ZNF827: variants seen among roughly 807,000 people sequenced by gnomAD.
ZNF827 encodes zinc finger protein 827.
In ZNF827, 13 loss-of-function variants were observed where a neutral mutation model predicts 102.4. That is an observed-to-expected ratio of 0.13 (90% CI 0.08 to 0.20). The LOEUF (loss-of-function observed/expected upper bound fraction) is 0.20, where lower values mean the gene tolerates loss of function less well. Among genes scored for constraint, ZNF827 ranks in the 10% least tolerant of loss-of-function variants. The pLI is 1.00. For missense variants in ZNF827, 1,103 were observed against 1,344.4 expected (o/e 0.82, Z 2.81); for synonymous variants, 523 against 536.2 (o/e 0.98, Z 0.34).
At chr4:145,852,429 TAA>T (rs892533735) in intron 5 of ZNF827, among the ~76,000 whole-genome samples, 4 of 152,234 alleles carry the variant, frequency 2.6e-5, no homozygotes, top group African/African-American at 9.6e-5. Flanking sequence ...TGATCACTGA[TAA>T]AAAGCCTTTG....
chr4:145,868,854 G>C (rs564810938), intron 5 of ZNF827, among the ~76,000 whole-genome samples: 4 of 152,304 alleles, frequency 2.6e-5, no homozygotes, highest in African/African-American at 9.6e-5. Context: ...ACTGGAATGT[G>C]AAAGTGTATG....
intron 7 of ZNF827, among the ~76,000 whole-genome samples, chr4:145,844,490 G>A (rs1359096208): frequency 2.0e-5 from 3 of 151,082 alleles, no homozygotes; most frequent in Non-Finnish European, 4.4e-5. Flanking sequence ...GACCAGCCTG[G>A]GCAACATGGC....
In ZNF827 at chr4:145,759,934, C is replaced by CTG. The variant is rs1325817271; in HGVS notation, c.*1680_*1681dup. 1 of 152,198 alleles carries CTG rather than the reference C, an allele frequency of 6.6e-6. No individual in the cohort carries two copies. Among genetic ancestry groups the CTG allele is most frequent in the African/African-American group, 2.4e-5 (1 of 41,432 alleles). The allele number at this position is 152,198 out of a possible 1,614,324, so 9.4% of individuals were successfully genotyped here. A position where few individuals can be genotyped will look rare whatever the true frequency, so the allele number is the denominator to read the frequency against. On this transcript the variant is annotated 3_prime_UTR_variant, in exon 15 of 15. Transcript: ENST00000508784. ...TAATCTGCCCTTAAAAAATGATGCA[C>CTG]TGTGTGTGTGCACCGTACACATTTG... is the stretch of plus-strand genomic sequence containing the variant.
At chr4:145,893,734 T>TA (rs1028016280) in intron 2 of ZNF827, among the ~76,000 whole-genome samples, 13 of 152,156 alleles carry the variant, frequency 8.5e-5, no homozygotes, top group African/African-American at 3.1e-4. Flanking sequence ...AATGTCCTTA[T>TA]AAAAAATTAA....
chr4:145,770,634 C>T (rs1041467256), intron 11 of ZNF827, among the ~76,000 whole-genome samples: 1 of 151,656 alleles, frequency 6.6e-6, no homozygotes, highest in Non-Finnish European at 1.5e-5. Context: ...TTGTATTTTC[C>T]CATGCTATTT....
At chr4:145,895,196 G>C (rs1209914425) in intron 2 of ZNF827, among the ~76,000 whole-genome samples, 1 of 152,112 alleles carries the variant, frequency 6.6e-6, no homozygotes, top group African/African-American at 2.4e-5. Context: ...ACCATAGGAA[G>C]GCAATAAAAG....
At chr4:145,773,237 A>AGGTGAGCTAATGTAAC (rs1736554835) in intron 11 of ZNF827, among the ~76,000 whole-genome samples, 1 of 152,214 alleles carries the variant, frequency 6.6e-6, no homozygotes, top group African/African-American at 2.4e-5. Flanking sequence ...CCTGCTGCCC[A>AGGTGAGCTAATGTAAC]CAGGCTAATG....
At chr4:145,813,175 C>G (rs1742218150) in intron 8 of ZNF827, among the ~76,000 whole-genome samples, 1 of 152,076 alleles carries the variant, frequency 6.6e-6, no homozygotes, top group Non-Finnish European at 1.5e-5. Context: ...CTTCTTCTGA[C>G]ACAGTGTCAG....
intron 4 of ZNF827, among the ~76,000 whole-genome samples, chr4:145,884,353 C>T (rs1202021050): frequency 1.3e-5 from 2 of 152,158 alleles, no homozygotes; most frequent in Admixed American, 6.5e-5. Flanking sequence ...CAGAGTGGAG[C>T]TGAACCTCTA....
chr4:145,781,212 A>G lies in ZNF827; in HGVS notation c.2384-1701T>C, dbSNP rs1482890815. 9.9e-4 allele frequency among the ~76,000 whole-genome samples: 126 copies of G among 127,134 alleles called. 1 individual carries two copies. Among genetic ancestry groups the G allele is most frequent in the African/African-American group, 3.3e-3 (101 of 31,030 alleles). The allele number at this position is 127,134 out of a possible 152,430, so 83.4% of individuals were successfully genotyped here. A position where few individuals can be genotyped will look rare whatever the true frequency, so the allele number is the denominator to read the frequency against. ...CACCATCTCAAAAAAAAAAAAAAAAAAAAAAGAAAAAAAAAGAAAAAAAAA... is the reference window on the plus strand; with the variant it reads ...CACCATCTCAAAAAAAAAAAAAAAAGAAAAAGAAAAAAAAAGAAAAAAAAA... On this transcript the variant is annotated intron_variant, in intron 8 of 14. Transcript: ENST00000508784.
At chr4:145,769,860 A>G (rs1218419791) in intron 11 of ZNF827, among the ~76,000 whole-genome samples, 2 of 152,238 alleles carry the variant, frequency 1.3e-5, no homozygotes, top group Non-Finnish European at 2.9e-5. Flanking sequence ...AAACAGCACA[A>G]ATTAGGAAAT....
At chr4:145,824,206 C>G (rs369373536) in intron 7 of ZNF827, among the ~76,000 whole-genome samples, 4 of 152,188 alleles carry the variant, frequency 2.6e-5, no homozygotes, top group Non-Finnish European at 5.9e-5. Context: ...CACCAGACAT[C>G]CTGCCAGGGT....
At chr4:145,788,785 C>A (rs189534955) in intron 8 of ZNF827, among the ~76,000 whole-genome samples, 1 of 152,210 alleles carries the variant, frequency 6.6e-6, no homozygotes. Flanking sequence ...TAGCAATGGG[C>A]CCTCAGAATG....
At position 145,849,458 on chromosome 4, in the gene ZNF827, G is replaced by C. The variant is rs1402310016; in HGVS notation, c.2085C>G (p.Gly695=). The C allele has an allele frequency of 6.2e-7, 1 of 1,614,148 alleles. No homozygotes were observed. Among genetic ancestry groups the C allele is most frequent in the East Asian group, 2.2e-5 (1 of 44,868 alleles). The stretch of plus-strand genomic sequence containing the variant: ...TCTCTCGCCCGATTAAAGTGCTGTA[G>C]CCAACATTCCGGCTGGGTGATATCG... ...HVSISPSRNV[G]YSTLIGREKT... is the part of the protein sequence containing the mutation. The change falls in exon 6 of 15, where the codon GGC becomes GGG. Residue 695 remains glycine, a synonymous_variant. Transcript: ENST00000508784.
intron 11 of ZNF827, among the ~76,000 whole-genome samples, chr4:145,768,802 T>C (rs1174801162): frequency 7.9e-6 from 1 of 126,300 alleles, no homozygotes; most frequent in Non-Finnish European, 1.6e-5. Context: ...GAGTTTGTGG[T>C]GAGTGGAGAT....
chr4:145,896,837 A>C (rs1175827159), intron 2 of ZNF827, among the ~76,000 whole-genome samples: 2 of 152,248 alleles, frequency 1.3e-5, no homozygotes, highest in Non-Finnish European at 2.9e-5. Flanking sequence ...TAAAGTACAG[A>C]GATATATGTT....
At chr4:145,805,852 C>T (rs558458464) in intron 8 of ZNF827, among the ~76,000 whole-genome samples, 10 of 152,166 alleles carry the variant, frequency 6.6e-5, no homozygotes, top group South Asian at 4.2e-4. Context: ...TTCTTCCCCA[C>T]GAGGCAATAC....
intron 8 of ZNF827, among the ~76,000 whole-genome samples, chr4:145,781,203 AAAAAAAAAAAAAAAGAAAAAAAAAG>A (rs1737971726): frequency 8.0e-5 from 11 of 138,192 alleles, no homozygotes; most frequent in Admixed American, 7.4e-4. Flanking sequence ...CTCAAAAAAA[AAAAAAAAAAAAAAAGAAAAAAAAAG>A]AAAAAAAAAA....
chr4:145,765,311 T>C lies in ZNF827; in HGVS notation c.3053-146A>G, dbSNP rs1735118822. The C allele has an allele frequency of 2.3e-5, 24 of 1,022,640 alleles. No individual in the cohort carries two copies. The highest frequency in any genetic ancestry group is 5.3e-5 in the East Asian group (2 of 37,954). 63.3% of individuals were successfully genotyped at this position (1,022,640 alleles called of 1,614,324 possible). A position where few individuals can be genotyped will look rare whatever the true frequency, so the allele number is the denominator to read the frequency against. ...CCAGGCACTGTTCCCCATATCTCTG[T>C]GCTAAAAGGAGTTAAATGTACAAAC... On this transcript the variant is annotated intron_variant, in intron 12 of 14. Coordinates refer to ENST00000508784, the MANE Select transcript of ZNF827 (RefSeq NM_001306215.2). This position sits in a 1 kb window ranked among gnomAD's most constrained non-coding sequence, Gnocchi z 4.7.
Sources: gnomAD v4.1 joint callset for allele counts (sites outside exome capture counted in the v4.1 genomes callset) on GRCh38, gnomAD v4.1.1 for gene constraint, Gnocchi (gnomAD v3.1) non-coding constraint, MANE v1.5 for transcripts, NCBI Gene and HGNC (gene_info 2026-07-23, HGNC 2026-07-21) for gene names.